SESN1: variants seen among roughly 807,000 people sequenced by gnomAD.
SESN1 encodes the protein sestrin-1.
A neutral mutation model predicts 59.3 loss-of-function variants in SESN1; 30 were observed. The observed-to-expected ratio is 0.51, with a 90% CI of 0.38 to 0.69. SESN1 has a LOEUF of 0.69. SESN1 is among the 30% of genes least tolerant of loss of function. The pLI is 0.00. For synonymous variants in SESN1, 197 were observed against 219.9 expected, an observed-to-expected ratio of 0.90 and a Z score of 0.92; for missense variants, 566 against 673.0, an observed-to-expected ratio of 0.84 and a Z score of 1.76.
At chr6:108,991,228 A>T (rs1051498600) in intron 7 of SESN1, among the ~76,000 whole-genome samples, 1 of 148,048 alleles carries the variant, frequency 6.8e-6, no homozygotes, top group African/African-American at 2.5e-5. Flanking sequence ...TCAAATTATG[A>T]GTGTGTGTGT....
chr6:109,080,191 G>T (rs764631528), intron 1 of SESN1, among the ~76,000 whole-genome samples: 1 of 152,128 alleles, frequency 6.6e-6, no homozygotes, highest in Non-Finnish European at 1.5e-5. Flanking sequence ...GCAAACGTTA[G>T]GGTCTAAAAT....
intron 1 of SESN1, among the ~76,000 whole-genome samples, chr6:109,073,595 G>A (rs1056988848): frequency 9.9e-5 from 15 of 152,136 alleles, no homozygotes; most frequent in African/African-American, 3.6e-4. Flanking sequence ...CTGAGAATTA[G>A]GAGTAAATTT....
At chr6:109,064,466 G>C (rs958221725) in intron 1 of SESN1, among the ~76,000 whole-genome samples, 5 of 150,108 alleles carry the variant, frequency 3.3e-5, no homozygotes, top group Non-Finnish European at 7.4e-5. Context: ...AGGACAGTAT[G>C]TGCTTTAGAA....
chr6:109,056,331 G>A (rs1056601481), intron 1 of SESN1, among the ~76,000 whole-genome samples: 3 of 152,192 alleles, frequency 2.0e-5, no homozygotes, highest in Non-Finnish European at 2.9e-5. Context: ...CTGTGCCTAG[G>A]AGGTTGAGGC....
Position 109,089,598 on chromosome 6 carries a change from C to T in SESN1, c.279+4197G>A, listed in dbSNP as rs1452503592. ...GGATGTCTCATAGGCAACTTAAACT[C>T]AACATGTCTAAAACAGCAGTCATTT... On this transcript the variant is annotated intron_variant, in intron 1 of 9. Coordinates refer to ENST00000436639, the MANE Select transcript of SESN1 (RefSeq NM_014454.3). 1.3e-5 allele frequency among the ~76,000 whole-genome samples: 2 copies of T among 152,098 alleles called. 1 individual carries two copies. Among genetic ancestry groups the T allele is most frequent in the Non-Finnish European group, 2.9e-5 (2 of 68,018 alleles).
At chr6:109,046,124 C>T (rs547012617) in intron 1 of SESN1, among the ~76,000 whole-genome samples, 5 of 146,370 alleles carry the variant, frequency 3.4e-5, no homozygotes, top group East Asian at 2.0e-4. Context: ...CCTCTCCCCA[C>T]GGTCTCCCTC....
chr6:109,071,310 C>G (rs1780930280), intron 1 of SESN1, among the ~76,000 whole-genome samples: 1 of 149,696 alleles, frequency 6.7e-6, no homozygotes, highest in Non-Finnish European at 1.5e-5. Flanking sequence ...AGAAGAGGTG[C>G]TATTTTAGAT....
intron 1 of SESN1, among the ~76,000 whole-genome samples, chr6:109,054,829 G>A (rs575522019): frequency 6.6e-6 from 1 of 151,972 alleles, no homozygotes; most frequent in East Asian, 1.9e-4. Context: ...TAAATTTAAG[G>A]TACTTTTTGA....
intron 1 of SESN1, among the ~76,000 whole-genome samples, chr6:109,046,980 C>T (rs1167310102): frequency 8.4e-5 from 8 of 95,100 alleles, no homozygotes; most frequent in African/African-American, 2.4e-4. Flanking sequence ...CCACCCCGTC[C>T]GGGAGGGAGG....
intron 5 of SESN1, among the ~76,000 whole-genome samples, chr6:108,996,772 C>T (rs1038731895): frequency 6.6e-6 from 1 of 152,086 alleles, no homozygotes; most frequent in Non-Finnish European, 1.5e-5. Flanking sequence ...AATACACCAA[C>T]ACTTAGAAGC....
At chr6:109,062,799 C>T (rs1780752652) in intron 1 of SESN1, among the ~76,000 whole-genome samples, 1 of 151,788 alleles carries the variant, frequency 6.6e-6, no homozygotes, top group Non-Finnish European at 1.5e-5. Context: ...AAATTAGGCC[C>T]AGTAAGAAAT....
chr6:109,080,490 C>A (rs956085062), intron 1 of SESN1, among the ~76,000 whole-genome samples: 13 of 152,090 alleles, frequency 8.5e-5, no homozygotes, highest in Non-Finnish European at 1.5e-5. Context: ...TTATACACCA[C>A]AGTGAAACAT....
intron 1 of SESN1, among the ~76,000 whole-genome samples, chr6:109,092,538 G>A (rs1474956962): frequency 2.0e-5 from 3 of 152,030 alleles, no homozygotes; most frequent in African/African-American, 4.8e-5. Context: ...GTATCCTGAC[G>A]GCAAAGGAAA....
intron 1 of SESN1, among the ~76,000 whole-genome samples, chr6:109,083,001 C>G (rs751152280): frequency 3.9e-5 from 6 of 152,164 alleles, no homozygotes; most frequent in Non-Finnish European, 7.3e-5. Context: ...AAATAATTCT[C>G]AAACCCACTG....
intron 1 of SESN1, among the ~76,000 whole-genome samples, chr6:109,056,263 G>A (rs1247012491): frequency 6.6e-6 from 1 of 152,114 alleles, no homozygotes; most frequent in African/African-American, 2.4e-5. Flanking sequence ...AAAAATTAGC[G>A]AGGCATGGTA....
At chr6:109,079,929 G>A (rs530626743) in intron 1 of SESN1, among the ~76,000 whole-genome samples, 2 of 152,260 alleles carry the variant, frequency 1.3e-5, no homozygotes, top group Admixed American at 1.3e-4. Context: ...ACCTAGGCTT[G>A]ATTTCTAAAG....
At position 109,094,334 on chromosome 6, in the gene SESN1, C is replaced by T; in HGVS notation, c.-261G>A. 2.1e-6 allele frequency: 1 copy of T among 484,804 alleles called. No homozygotes were observed. Among genetic ancestry groups the T allele is most frequent in the Admixed American group, 3.8e-5 (1 of 26,498 alleles). The allele number at this position is 484,804 out of a possible 1,614,324, so 30.0% of individuals were successfully genotyped here. A position where few individuals can be genotyped will look rare whatever the true frequency, so the allele number is the denominator to read the frequency against. On this transcript the variant is annotated 5_prime_UTR_variant, in exon 1 of 10. Coordinates refer to ENST00000436639, the MANE Select transcript of SESN1 (RefSeq NM_014454.3). ...GTTTGAAAGTTGCAACCTTGCAGCG[C>T]TGGCTTTGGTGGGCAGAGAATTTCG... is the stretch of plus-strand genomic sequence containing the variant.
chr6:109,042,779 C>T (rs1056212348), intron 1 of SESN1, among the ~76,000 whole-genome samples: 1 of 151,986 alleles, frequency 6.6e-6, no homozygotes, highest in Non-Finnish European at 1.5e-5. Context: ...CTCCACCAAA[C>T]ATTTAAAGAA....
chr6:109,069,601 ATACAATCATAGCT>A (rs1780895934), intron 1 of SESN1, among the ~76,000 whole-genome samples: 1 of 151,822 alleles, frequency 6.6e-6, no homozygotes, highest in African/African-American at 2.4e-5. Flanking sequence ...GAGGGCAGTG[ATACAATCATAGCT>A]CACTGTTACC....
Sources: allele counts gnomAD v4.1 joint callset (sites outside exome capture counted in the v4.1 genomes callset), GRCh38; gene constraint gnomAD v4.1.1; transcripts MANE v1.5; gene names NCBI Gene and HGNC (gene_info 2026-07-23, HGNC 2026-07-21).